The following ASPRV1 variants were observed in gnomAD, a reference collection of about 807,000 sequenced individuals.
ASPRV1 encodes aspartic peptidase retroviral like 1, also known as retroviral-like aspartic protease 1.
In ASPRV1, 7 loss-of-function variants were observed where a neutral mutation model predicts 11.0. That is an observed-to-expected ratio of 0.64 (90% CI 0.36 to 1.20). The LOEUF (loss-of-function observed/expected upper bound fraction) is 1.20, where lower values mean the gene tolerates loss of function less well. Among genes scored for constraint, ASPRV1 ranks in the 50% most tolerant of loss-of-function variants. The probability of loss-of-function intolerance (pLI) is 0.02; values close to 1 mark genes in which losing one functional copy is unlikely to be tolerated. For missense variants in ASPRV1, 299 were observed against 320.0 expected, an observed-to-expected ratio of 0.93 and a Z score of 0.50; for synonymous variants, 136 against 138.4, an observed-to-expected ratio of 0.98 and a Z score of 0.12.
At chr2:69,996,599 T>G in the ASPRV1 span, 1 of 416,778 alleles carries the variant, frequency 2.4e-6, no homozygotes, top group Non-Finnish European at 4.8e-6. Flanking sequence ...CCTTCAGGAA[T>G]GCAACGTCTT....
chr2:69,985,091 T>C, the ASPRV1 span, among the ~76,000 whole-genome samples: 1 of 152,120 alleles, frequency 6.6e-6, no homozygotes, highest in African/African-American at 2.4e-5. Context: ...CTCCTGACCT[T>C]GTGATCTGCC....
At chr2:69,951,019 T>C in the ASPRV1 span, among the ~76,000 whole-genome samples, 1 of 151,822 alleles carries the variant, frequency 6.6e-6, no homozygotes, top group East Asian at 1.9e-4. Context: ...AGAGAAAGAA[T>C]GAAAGAAAAT....
chr2:70,081,329 C>T, the ASPRV1 span: 1 of 151,948 alleles, frequency 6.6e-6, no homozygotes. Flanking sequence ...CCCATCTCTA[C>T]TAAAAATACT....
the ASPRV1 span, chr2:69,941,783 A>G: frequency 6.6e-6 from 1 of 152,228 alleles, no homozygotes. Flanking sequence ...GAGCTTGAGA[A>G]TAGATTTTGT....
chr2:70,000,797 A>C, the ASPRV1 span, among the ~76,000 whole-genome samples: 1 of 137,896 alleles, frequency 7.3e-6, no homozygotes, highest in Non-Finnish European at 1.5e-5. Flanking sequence ...TCAAAAAAAA[A>C]AAAAAAAAAA....
the ASPRV1 span, chr2:70,014,651 T>A: frequency 6.6e-6 from 1 of 151,616 alleles, no homozygotes; most frequent in Admixed American, 6.6e-5. Context: ...AAATAAAAAA[T>A]TAGCCAGATG....
the ASPRV1 span, among the ~76,000 whole-genome samples, chr2:70,075,891 C>T: frequency 6.6e-6 from 1 of 151,900 alleles, no homozygotes; most frequent in African/African-American, 2.4e-5. Context: ...GTATGCTGTT[C>T]TGCTTCTCAT....
the ASPRV1 span, among the ~76,000 whole-genome samples, chr2:69,969,523 G>T: frequency 2.0e-5 from 3 of 152,038 alleles, no homozygotes; most frequent in Non-Finnish European, 4.4e-5. Flanking sequence ...TGTCCTTTGT[G>T]GGTTCCTCTC....
At chr2:69,983,271 C>T in the ASPRV1 span, among the ~76,000 whole-genome samples, 2 of 152,208 alleles carry the variant, frequency 1.3e-5, no homozygotes, top group Non-Finnish European at 2.9e-5. Flanking sequence ...GTACTGGATG[C>T]TCAAGTTCTA....
the ASPRV1 span, among the ~76,000 whole-genome samples, chr2:69,994,600 G>A: frequency 5.3e-5 from 8 of 152,198 alleles, no homozygotes; most frequent in African/African-American, 1.9e-4. Context: ...GGGCAAAGAT[G>A]CAGCCAGGAT....
At chr2:69,936,807 A>G in the ASPRV1 span, among the ~76,000 whole-genome samples, 543 of 152,336 alleles carry the variant, frequency 3.6e-3, 1 homozygote, top group African/African-American at 0.012. Context: ...TAATTGGGAC[A>G]TGTACTTGAA....
the ASPRV1 span, among the ~76,000 whole-genome samples, chr2:69,966,789 C>A: frequency 1.3e-5 from 2 of 152,152 alleles, no homozygotes; most frequent in Admixed American, 1.3e-4. Flanking sequence ...GCAATTAAAA[C>A]CTATCAAATA....
chr2:69,978,397 G>A, the ASPRV1 span, among the ~76,000 whole-genome samples: 4 of 152,288 alleles, frequency 2.6e-5, no homozygotes, highest in East Asian at 1.9e-4. Flanking sequence ...CTGAGAATGG[G>A]ACCAGCACTG....
chr2:69,961,743 C>G (rs879468002), upstream of ASPRV1: 13 of 1,503,562 alleles, frequency 8.6e-6, no homozygotes, highest in Admixed American at 2.7e-4. Flanking sequence ...TGCCAGCATC[C>G]GGCCGGACTA....
At chr2:69,950,671 C>T in the ASPRV1 span, among the ~76,000 whole-genome samples, 14 of 151,740 alleles carry the variant, frequency 9.2e-5, no homozygotes, top group Non-Finnish European at 1.3e-4. Context: ...GTGAAAACCT[C>T]GCCTCTACTA....
the ASPRV1 span, among the ~76,000 whole-genome samples, chr2:70,033,055 C>A: frequency 6.6e-6 from 1 of 152,098 alleles, no homozygotes; most frequent in Non-Finnish European, 1.5e-5. Context: ...ACTCCCTGAA[C>A]CTCCCTATCC....
chr2:69,972,237 A>G, the ASPRV1 span, among the ~76,000 whole-genome samples: 1 of 150,580 alleles, frequency 6.6e-6, no homozygotes, highest in African/African-American at 2.5e-5. Context: ...AATTTTTTGT[A>G]TTTTTAGTAG....
At chr2:70,050,342 CAAAAT>C in the ASPRV1 span, 4 of 151,822 alleles carry the variant, frequency 2.6e-5, no homozygotes, top group African/African-American at 9.7e-5. Flanking sequence ...CTCTTCATAT[CAAAAT>C]AAATACCAGA....
chr2:69,945,879 C>T, the ASPRV1 span, among the ~76,000 whole-genome samples: 1 of 152,138 alleles, frequency 6.6e-6, no homozygotes. Flanking sequence ...TTGGCCTTGC[C>T]TGGGGGCAGA....
Sources: allele counts gnomAD v4.1 joint callset (sites outside exome capture counted in the v4.1 genomes callset), GRCh38; gene constraint gnomAD v4.1.1; transcripts MANE v1.5; gene names NCBI Gene and HGNC (gene_info 2026-07-23, HGNC 2026-07-21).